MAP3K12: variants seen among roughly 807,000 people sequenced by gnomAD.
The protein encoded by MAP3K12 is mitogen-activated protein kinase kinase kinase 12.
A neutral mutation model predicts 87.5 loss-of-function variants in MAP3K12; 14 were observed. That is an observed-to-expected ratio of 0.16 (90% CI 0.11 to 0.25). The LOEUF (loss-of-function observed/expected upper bound fraction) is 0.25. Among genes scored for constraint, MAP3K12 ranks in the 10% least tolerant of loss-of-function variants. The pLI is 1.00. For missense variants in MAP3K12, 802 were observed against 1,140.4 expected (o/e 0.70, Z 4.27); for synonymous variants, 469 against 452.5 (o/e 1.04, Z -0.46).
rs146630791 is a variant in MAP3K12 at position 53,486,241 on chromosome 12, C to A, written c.636G>T (p.Val212=). 57 of 1,604,346 alleles carry A rather than the reference C, an allele frequency of 3.6e-5. No individual in the cohort carries two copies. In the African/African-American group the frequency reaches 5.9e-4, roughly 17 times the overall value. The change falls in exon 4 of 14, where the codon GTG becomes GTT. Residue 212 remains valine, a synonymous_variant. Transcript: ENST00000547488. This position sits in a 1 kb window ranked among gnomAD's most constrained non-coding sequence, Gnocchi z 4.9. ...KHPNIITFKG[V]CTQAPCYCIL... ...TGCAGTAGCAGGGAGCCTGGGTGCACACACCCCTGGGAGCCAAACAATGGT... is the reference window on the plus strand; with the variant it reads ...TGCAGTAGCAGGGAGCCTGGGTGCAAACACCCCTGGGAGCCAAACAATGGT...
chr12:53,485,115 G>T lies in MAP3K12; in HGVS notation c.1080C>A (p.Leu360=), dbSNP rs1185697208. The change falls in exon 6 of 14, where the codon CTC becomes CTA. Residue 360 remains leucine, a synonymous_variant. Coordinates refer to ENST00000547488, the MANE Select transcript of MAP3K12 (RefSeq NM_001193511.2). ...GGCAACTGGAGGGCACGGGCAGATG[G>T]AGACTGTTGCTTCCCACACCCCAGA... The part of the protein sequence containing the change: ...AIIWGVGSNS[L]HLPVPSSCPD... The T allele has an allele frequency of 6.2e-7, 1 of 1,614,194 alleles. No homozygotes were observed.
Position 53,485,688 on chromosome 12 carries a change from T to C in MAP3K12, c.822-213A>G, listed in dbSNP as rs1039966083. 4 of 584,930 alleles carry C rather than the reference T, an allele frequency of 6.8e-6. No individual in the cohort carries two copies. The Admixed American group carries it at 1.3e-4, about 19-fold the overall frequency. The allele number at this position is 584,930 out of a possible 1,614,324, so 36.2% of individuals were successfully genotyped here. On this transcript the variant is annotated intron_variant, in intron 4 of 13. Coordinates refer to ENST00000547488, the MANE Select transcript of MAP3K12 (RefSeq NM_001193511.2). ...CTCCTGCCTCAGCCTCCTGAGTAGC[T>C]GAGACTACGGGCACTCGCCACCACG...
At chr12:53,492,450 T>TGCGC (rs764285512) in intron 1 of MAP3K12, among the ~76,000 whole-genome samples, 4 of 151,112 alleles carry the variant, frequency 2.6e-5, no homozygotes, top group Admixed American at 6.6e-5. Context: ...ACACTCTCTC[T>TGCGC]GCGCGCGCGC....
In MAP3K12 at chr12:53,486,777, T is replaced by C. The variant is rs765884647; in HGVS notation, c.446-155A>G. The C allele has an allele frequency of 1.4e-6, 2 of 1,466,132 alleles. No homozygotes were observed. Among genetic ancestry groups the C allele is most frequent in the Non-Finnish European group, 1.8e-6 (2 of 1,114,144 alleles). 90.8% of individuals were successfully genotyped at this position (1,466,132 alleles called of 1,614,324 possible). A position where few individuals can be genotyped will look rare whatever the true frequency, so the allele number is the denominator to read the frequency against. ...AAGGTTCGAGGGGACAGGGAAGGAA[T>C]GAATGGGTGGCCTTAAAAGAAGCTG... On this transcript the variant is annotated intron_variant, in intron 2 of 13. Transcript: ENST00000547488. This position sits in a 1 kb window ranked among gnomAD's most constrained non-coding sequence, Gnocchi z 4.9.
intron 1 of MAP3K12, among the ~76,000 whole-genome samples, chr12:53,498,908 C>CTGTGTG (rs71068135): frequency 5.5e-5 from 6 of 108,438 alleles, no homozygotes; most frequent in Admixed American, 2.0e-4. Context: ...GTCCAGCCTG[C>CTGTGTG]TGTGTGTGTG....
At chr12:53,501,228 GC>G (rs570698398), upstream of MAP3K12, 1 of 653,674 alleles carries the variant, frequency 1.5e-6, no homozygotes, top group South Asian at 1.9e-5. Flanking sequence ...GGGGCGGATA[GC>G]TCCCCTCCAG....
chr12:53,492,074 C>CAA (rs397849916), intron 1 of MAP3K12, among the ~76,000 whole-genome samples: 7 of 100,902 alleles, frequency 6.9e-5, no homozygotes, highest in Admixed American at 1.1e-4. Flanking sequence ...GACTCTGTTT[C>CAA]AAAAAAAAAA....
chr12:53,481,131 A>G lies in MAP3K12; in HGVS notation c.*51T>C, dbSNP rs1173680059. ...CGCATATATATATATATATGTATAT[A>G]TATATAATTTATATAAATATTTCTC... On this transcript the variant is annotated 3_prime_UTR_variant, in exon 14 of 14. Transcript: ENST00000547488. 31 of 679,076 alleles carry G rather than the reference A, an allele frequency of 4.6e-5. No individual in the cohort carries two copies. Among genetic ancestry groups the G allele is most frequent in the Non-Finnish European group, 6.2e-5 (31 of 499,078 alleles). 42.1% of individuals were successfully genotyped at this position (679,076 alleles called of 1,614,324 possible). A position where few individuals can be genotyped will look rare whatever the true frequency, so the allele number is the denominator to read the frequency against.
intron 6 of MAP3K12, chr12:53,484,677 A>T: frequency 2.3e-6 from 1 of 443,994 alleles, no homozygotes; most frequent in Non-Finnish European, 4.1e-6. Context: ...GCAATCGTCA[A>T]ACTTCCCTGG....
Position 53,481,223 on chromosome 12 carries a change from TGTTGGA to T in MAP3K12, c.2632_2637del (p.Asn879_Ser880del). ...GCTGGGGGCCGCAAGGCATCAACGC[TGTTGGA>T]GTTGTCCAATTCAGTGCTGTCACAG... On this transcript the variant is annotated inframe_deletion, in exon 14 of 14. Coordinates refer to ENST00000547488, the MANE Select transcript of MAP3K12 (RefSeq NM_001193511.2). 1.9e-6 allele frequency: 3 copies of T among 1,562,174 alleles called. No homozygotes were observed. The highest frequency in any genetic ancestry group is 1.2e-5 in the South Asian group (1 of 84,608).
intron 1 of MAP3K12, 23 bp from the exon 2 acceptor site, chr12:53,487,451 G>GGC: frequency 6.5e-7 from 1 of 1,545,848 alleles, no homozygotes. Flanking sequence ...AGGAAGGAGG[G>GGC]GCTGGGCTGT....
intron 13 of MAP3K12, 86 bp downstream of exon 13, chr12:53,481,855 T>G (rs1943061701): frequency 2.6e-6 from 4 of 1,509,840 alleles, no homozygotes; most frequent in Admixed American, 1.8e-5. Context: ...CCTGTGCAGC[T>G]GTCTCCCCAA....
rs201893804 is a variant in MAP3K12 at position 53,482,715 on chromosome 12, C to T, written c.2088G>A (p.Gly696=). ...CAGGCCCTACTGGAGGAGGTGGTTC[C>T]CCTTTGGCTCCCCCAGGTGAATCTG... is the stretch of plus-strand genomic sequence containing the variant. ...TSPDSPGGAK[G]EPPPPVGPGE... is the part of the protein sequence containing the mutation. The change falls in exon 11 of 14, where the codon GGG becomes GGA. Residue 696 remains glycine (G), a synonymous_variant. Transcript: ENST00000547488. The T allele has an allele frequency of 4.1e-5, 66 of 1,613,922 alleles. No homozygotes were observed. The highest frequency in any genetic ancestry group is 4.8e-5 in the Non-Finnish European group (57 of 1,180,034).
At position 53,483,411 on chromosome 12, in the gene MAP3K12, G is replaced by A. The variant is rs763997749; in HGVS notation, c.1551C>T (p.Asn517=). 3.1e-6 allele frequency: 5 copies of A among 1,614,102 alleles called. No homozygotes were observed. Among genetic ancestry groups the A allele is most frequent in the South Asian group, 1.1e-5 (1 of 91,086 alleles). Residue 517 remains asparagine, a synonymous_variant, in exon 10 of 14, where the codon AAC becomes AAT. Coordinates refer to ENST00000547488, the MANE Select transcript of MAP3K12 (RefSeq NM_001193511.2). The stretch of plus-strand genomic sequence containing the variant: ...TCTTCTTGATAAGCTTCTCCATTGT[G>A]TTTCCATGCAGGAGGCCCCGGGAAG... ...PHPSRGLLHG[N]TMEKLIKKRN...
intron 1 of MAP3K12, among the ~76,000 whole-genome samples, chr12:53,498,350 G>A (rs1471289343): frequency 6.6e-6 from 1 of 152,118 alleles, no homozygotes; most frequent in Non-Finnish European, 1.5e-5. Flanking sequence ...GAACTGCAAG[G>A]GAAATGTGTT....
chr12:53,483,776 AAC>A, intron 8 of MAP3K12, 53 bp from the exon 9 acceptor site: 2 of 1,612,964 alleles, frequency 1.2e-6, no homozygotes, highest in Admixed American at 1.7e-5. Context: ...CTAGGGCCAT[AAC>A]AGATCTCAGT....
chr12:53,484,867 G>T (rs2137188797), intron 6 of MAP3K12, 189 bp downstream of exon 6: 1 of 668,952 alleles, frequency 1.5e-6, no homozygotes, highest in Non-Finnish European at 2.5e-6. Flanking sequence ...TATAGATGAG[G>T]AAACAGGTTC....
chr12:53,482,576 T>A lies in MAP3K12; in HGVS notation c.2227A>T (p.Thr743Ser). Residue 743 changes from threonine (T) to serine (S), a missense_variant, in exon 11 of 14, where the codon ACC becomes TCC. By Grantham distance (58) the Thr-to-Ser change is moderately conservative. Around this residue, in one of 5 missense-constraint regions of MAP3K12, gnomAD observed 490 missense variants for 496.6 expected, o/e 0.99. Coordinates refer to ENST00000547488, the MANE Select transcript of MAP3K12 (RefSeq NM_001193511.2). Reference protein sequence around the residue: ...PAALLYRAAVTRSQKRGISSE... With the variant: ...PAALLYRAAVSRSQKRGISSE... Reference sequence around the variant, plus strand: ...TTCCCATACTTTACCTGACTTCGGGTGACGGCAGCCCTGTACAGCAGTGCA... The same window carrying A: ...TTCCCATACTTTACCTGACTTCGGGAGACGGCAGCCCTGTACAGCAGTGCA... 6.2e-7 allele frequency: 1 copy of A among 1,605,060 alleles called. No individual in the cohort carries two copies. Among genetic ancestry groups the A allele is most frequent in the Non-Finnish European group, 8.5e-7 (1 of 1,175,662 alleles).
chr12:53,489,058 C>T (rs1271595333), intron 1 of MAP3K12, among the ~76,000 whole-genome samples: 5 of 121,826 alleles, frequency 4.1e-5, no homozygotes, highest in East Asian at 2.4e-4. Flanking sequence ...CAGCCTTGGG[C>T]GACAGAGTGA....
Sources: gnomAD v4.1 joint callset for allele counts (sites outside exome capture counted in the v4.1 genomes callset) on GRCh38, gnomAD v4.1.1 for gene constraint, gnomAD v4.1.1 regional missense constraint, Gnocchi (gnomAD v3.1) non-coding constraint, MANE v1.5 for transcripts, NCBI Gene and HGNC (gene_info 2026-07-23, HGNC 2026-07-21) for gene names.